Variants in HNF1B observed in about 807,000 individuals in gnomAD.
HNF1B encodes HNF1 homeobox B.
A neutral mutation model predicts 61.7 loss-of-function variants in HNF1B; 8 were observed. That is an observed-to-expected ratio of 0.13 (90% confidence interval 0.08 to 0.23). The LOEUF (loss-of-function observed/expected upper bound fraction) is 0.23. Ranked by LOEUF, HNF1B falls within the 10% of genes least tolerant of loss-of-function variation. HNF1B has a pLI of 1.00. For missense variants in HNF1B, 562 were observed against 714.5 expected (o/e 0.79, Z 2.43); for synonymous variants, 314 against 287.7 (o/e 1.09, Z -0.93).
chr17:37,705,197 T>C, intron 5 of HNF1B, 148 bp from the exon 6 acceptor site: 2 of 940,106 alleles, frequency 2.1e-6, no homozygotes, highest in Admixed American at 2.0e-5. Flanking sequence ...TGGCTGGGCA[T>C]GGTGCTTCAC....
intron 5 of HNF1B, among the ~76,000 whole-genome samples, chr17:37,708,451 C>T (rs890083651): frequency 6.6e-6 from 1 of 152,192 alleles, no homozygotes; most frequent in African/African-American, 2.4e-5. Context: ...CCACAGGCTG[C>T]ATTTAGAGCG....
At chr17:37,700,112 G>GT (rs11381765) in intron 7 of HNF1B, among the ~76,000 whole-genome samples, 61,235 of 152,058 alleles carry the variant, frequency 0.4, 12,677 homozygotes, top group African/African-American at 0.49. Context: ...TACACAGCTG[G>GT]TAAGTATCAC....
chr17:37,695,305 C>A (rs532374521), intron 8 of HNF1B, among the ~76,000 whole-genome samples: 2 of 152,218 alleles, frequency 1.3e-5, no homozygotes, highest in Non-Finnish European at 2.9e-5. Flanking sequence ...GTTAAGCCTG[C>A]AGATGCACAG....
intron 4 of HNF1B, among the ~76,000 whole-genome samples, chr17:37,723,424 G>C (rs191702400): frequency 1.3e-5 from 2 of 152,124 alleles, no homozygotes; most frequent in African/African-American, 4.8e-5. Flanking sequence ...TCGACTTCAT[G>C]AACATCATGA....
intron 4 of HNF1B, among the ~76,000 whole-genome samples, chr17:37,725,608 A>G (rs1377713489): frequency 1.3e-5 from 2 of 152,184 alleles, no homozygotes; most frequent in Non-Finnish European, 2.9e-5. Flanking sequence ...CCGCCACTAA[A>G]CCTCAAGTCA....
intron 5 of HNF1B, among the ~76,000 whole-genome samples, chr17:37,707,117 A>ATTT (rs3049485): frequency 1.4e-5 from 2 of 143,812 alleles, no homozygotes; most frequent in Admixed American, 7.0e-5. Context: ...ATTATTTTTA[A>ATTT]TTTTTTTTTT....
At chr17:37,713,611 C>T (rs2033008267) in intron 4 of HNF1B, among the ~76,000 whole-genome samples, 1 of 152,230 alleles carries the variant, frequency 6.6e-6, no homozygotes, top group Non-Finnish European at 1.5e-5. Context: ...GTGATAGAGG[C>T]TCGGCTGGAA....
intron 1 of HNF1B, among the ~76,000 whole-genome samples, chr17:37,744,173 G>C (rs897107263): frequency 1.3e-5 from 2 of 152,224 alleles, no homozygotes; most frequent in African/African-American, 4.8e-5. Context: ...GCGGCGCGAG[G>C]CTCTGCTCCC....
chr17:37,704,613 C>G (rs994353881), intron 6 of HNF1B, among the ~76,000 whole-genome samples: 1 of 152,188 alleles, frequency 6.6e-6, no homozygotes, highest in African/African-American at 2.4e-5. Context: ...CAGTTGATCA[C>G]TTTAACAACC....
chr17:37,739,381 TG>T, intron 2 of HNF1B, 58 bp downstream of exon 2: 2 of 1,500,690 alleles, frequency 1.3e-6, no homozygotes, highest in Non-Finnish European at 1.9e-6. Context: ...AGGCAGCCAA[TG>T]GGGTGAGAGG....
At chr17:37,732,283 G>A (rs939949058) in intron 3 of HNF1B, among the ~76,000 whole-genome samples, 8 of 152,186 alleles carry the variant, frequency 5.3e-5, no homozygotes, top group Non-Finnish European at 1.0e-4. Flanking sequence ...AGAGTGCCAG[G>A]AAGCAAGATG....
In HNF1B at chr17:37,739,643, G is replaced by T; in HGVS notation, c.345-4C>A. On this transcript the variant is annotated splice_region_variant and splice_polypyrimidine_tract_variant and intron_variant, in intron 1 of 8. Transcript: ENST00000617811. ...AGCAGCCCTCCAAGGGTCCTCACTA[G>T]ACAGACAAGCAGATGGTTAGGGTAC... is the stretch of plus-strand genomic sequence containing the variant. The T allele has an allele frequency of 6.2e-7, 1 of 1,607,190 alleles. No individual in the cohort carries two copies. The highest frequency in any genetic ancestry group is 8.5e-7 in the Non-Finnish European group (1 of 1,176,266).
At chr17:37,738,242 A>G (rs913887298) in intron 2 of HNF1B, among the ~76,000 whole-genome samples, 4 of 152,244 alleles carry the variant, frequency 2.6e-5, no homozygotes, top group African/African-American at 9.6e-5. Context: ...CGCTCTAAGC[A>G]GCAAACAGCT....
intron 2 of HNF1B, 128 bp downstream of exon 2, chr17:37,739,312 T>C (rs2033921244): frequency 1.2e-6 from 1 of 869,424 alleles, no homozygotes; most frequent in Admixed American, 1.9e-5. Flanking sequence ...CAAATCTACT[T>C]GCCACCTTCC....
At chr17:37,722,733 T>G (rs970145300) in intron 4 of HNF1B, among the ~76,000 whole-genome samples, 2 of 152,174 alleles carry the variant, frequency 1.3e-5, no homozygotes, top group African/African-American at 4.8e-5. Context: ...GCAAGTGTGC[T>G]ATTGCGGAGG....
chr17:37,739,292 C>T, intron 2 of HNF1B, 148 bp downstream of exon 2: 2 of 771,176 alleles, frequency 2.6e-6, no homozygotes, highest in South Asian at 2.9e-5. Context: ...TGTACAGCAA[C>T]CACCAAGGCC....
intron 4 of HNF1B, 128 bp from the exon 5 acceptor site, chr17:37,710,791 C>T: frequency 1.2e-6 from 1 of 863,108 alleles, no homozygotes. Flanking sequence ...CCCTGTCCAC[C>T]CACAAGAAAT....
At chr17:37,693,424 CAG>C in intron 8 of HNF1B, among the ~76,000 whole-genome samples, 1 of 152,206 alleles carries the variant, frequency 6.6e-6, no homozygotes, top group African/African-American at 2.4e-5. Flanking sequence ...GGTCACATAC[CAG>C]GGGGTGATGA....
At chr17:37,691,082 C>T (rs563494578) in intron 8 of HNF1B, among the ~76,000 whole-genome samples, 2 of 152,232 alleles carry the variant, frequency 1.3e-5, no homozygotes, top group African/African-American at 2.4e-5. Flanking sequence ...ATGGTAGTAT[C>T]CCAAACTCCC....
Sources: allele counts gnomAD v4.1 joint callset (sites outside exome capture counted in the v4.1 genomes callset), GRCh38; gene constraint gnomAD v4.1.1; transcripts MANE v1.5; gene names NCBI Gene and HGNC (gene_info 2026-07-23, HGNC 2026-07-21).